The following PDZD8 variants were observed in gnomAD, a reference collection of about 807,000 sequenced individuals.
The protein encoded by PDZD8 is PDZ domain containing 8.
A neutral mutation model predicts 85.8 loss-of-function variants in PDZD8; 14 were observed. That is an observed-to-expected ratio of 0.16 (90% CI 0.11 to 0.26). The LOEUF is 0.26. Among genes scored for constraint, PDZD8 ranks in the 10% least tolerant of loss-of-function variants. The pLI, the probability that PDZD8 is intolerant of heterozygous loss-of-function variation, is 1.00. For missense variants in PDZD8, 1,197 were observed against 1,424.3 expected, an observed-to-expected ratio of 0.84 and a Z score of 2.57; for synonymous variants, 592 against 568.6, an observed-to-expected ratio of 1.04 and a Z score of -0.59.
chr10:117,329,800 G>A (rs1844384010), intron 2 of PDZD8, among the ~76,000 whole-genome samples: 1 of 151,366 alleles, frequency 6.6e-6, no homozygotes, highest in South Asian at 2.1e-4. Flanking sequence ...ACAAAAAGGA[G>A]TTGGGTATGG....
chr10:117,283,477 C>G lies in PDZD8; in HGVS notation c.3256G>C (p.Ala1086Pro). ...ALAKSGERLQALTLLMIHYRA... is the reference protein window; with the variant it reads ...ALAKSGERLQPLTLLMIHYRA... ...TAGTGAATCATAAGAAGTGTTAGAGCTTGTAGCCTTTCACCTGATTTAGCT... is the reference window on the plus strand; with the variant it reads ...TAGTGAATCATAAGAAGTGTTAGAGGTTGTAGCCTTTCACCTGATTTAGCT... Residue 1086 changes from alanine to proline, a missense_variant, in exon 5 of 5, where the codon GCT (alanine) becomes CCT (proline). Around this residue, in one of 4 missense-constraint regions of PDZD8, gnomAD observed 418 missense variants for 571.1 expected, o/e 0.73. Transcript: ENST00000334464. 6.2e-7 allele frequency: 1 copy of G among 1,614,116 alleles called. No homozygotes were observed. Among genetic ancestry groups the G allele is most frequent in the Non-Finnish European group, 8.5e-7 (1 of 1,179,974 alleles).
At chr10:117,354,281 A>G (rs1160401666) in intron 1 of PDZD8, among the ~76,000 whole-genome samples, 3 of 152,220 alleles carry the variant, frequency 2.0e-5, no homozygotes, top group African/African-American at 7.2e-5. Context: ...TGTAAATAAA[A>G]AGCTACCTCA....
chr10:117,317,193 A>G (rs1844144226), intron 3 of PDZD8, among the ~76,000 whole-genome samples: 1 of 152,242 alleles, frequency 6.6e-6, no homozygotes, highest in African/African-American at 2.4e-5. Flanking sequence ...AAATTTCAAC[A>G]TTAAATACTG....
chr10:117,350,730 C>T (rs1375770318), intron 1 of PDZD8, among the ~76,000 whole-genome samples: 2 of 151,292 alleles, frequency 1.3e-5, no homozygotes, highest in East Asian at 2.0e-4. Flanking sequence ...GGTGAAACCC[C>T]GTCTCTACTA....
intron 3 of PDZD8, among the ~76,000 whole-genome samples, chr10:117,313,505 G>C (rs1237267821): frequency 6.6e-6 from 1 of 151,804 alleles, no homozygotes; most frequent in Non-Finnish European, 1.5e-5. Flanking sequence ...TCAAAGTCTC[G>C]GGCTCAATCA....
chr10:117,292,063 A>G (rs1293455055), intron 3 of PDZD8, among the ~76,000 whole-genome samples: 13 of 152,204 alleles, frequency 8.5e-5, no homozygotes, highest in Admixed American at 8.5e-4. Flanking sequence ...TTTAATATAT[A>G]AATCCCACTT....
intron 1 of PDZD8, among the ~76,000 whole-genome samples, chr10:117,357,121 G>A (rs748806676): frequency 2.0e-5 from 3 of 152,146 alleles, no homozygotes; most frequent in Non-Finnish European, 4.4e-5. Flanking sequence ...GTCTGGGCAC[G>A]GTGGCTTACG....
intron 1 of PDZD8, among the ~76,000 whole-genome samples, chr10:117,358,112 TA>T (rs1040515802): frequency 6.6e-6 from 1 of 152,100 alleles, no homozygotes; most frequent in Non-Finnish European, 1.5e-5. Context: ...TTTTTCATAA[TA>T]AAAAGTCAAA....
intron 2 of PDZD8, among the ~76,000 whole-genome samples, chr10:117,321,840 CTTTA>C (rs1274756269): frequency 1.3e-5 from 2 of 152,060 alleles, no homozygotes; most frequent in Non-Finnish European, 2.9e-5. Flanking sequence ...TAAGACTGCT[CTTTA>C]TTTGATACAG....
chr10:117,279,178 A>G lies in PDZD8; in HGVS notation c.*4090T>C, dbSNP rs1319580975. On this transcript the variant is annotated 3_prime_UTR_variant, in exon 5 of 5. Coordinates refer to ENST00000334464, the MANE Select transcript of PDZD8 (RefSeq NM_173791.5). ...CTTGTACTTGGGGAAAAAAATTCTA[A>G]GTTCTTTTATATGACTAATATTCTT... 6.6e-6 allele frequency: 1 copy of G among 152,218 alleles called. No individual in the cohort carries two copies. Among genetic ancestry groups the G allele is most frequent in the Non-Finnish European group, 1.5e-5 (1 of 68,034 alleles). 9.4% of individuals were successfully genotyped at this position (152,218 alleles called of 1,614,324 possible).
chr10:117,290,060 T>C (rs1844729609), intron 4 of PDZD8, 126 bp downstream of exon 4: 1 of 776,880 alleles, frequency 1.3e-6, no homozygotes, highest in African/African-American at 1.8e-5. Flanking sequence ...TTTATTACTT[T>C]ATTTCCATTA....
At chr10:117,318,503 C>G (rs763579047) in intron 3 of PDZD8, among the ~76,000 whole-genome samples, 3 of 152,044 alleles carry the variant, frequency 2.0e-5, no homozygotes, top group Non-Finnish European at 1.5e-5. Flanking sequence ...AAAACAGTGC[C>G]CAGCACAAAG....
chr10:117,373,174 A>G (rs1845222911), intron 1 of PDZD8, among the ~76,000 whole-genome samples: 1 of 152,208 alleles, frequency 6.6e-6, no homozygotes, highest in African/African-American at 2.4e-5. Context: ...CCACTCCTAC[A>G]ATATTAAAAC....
At chr10:117,348,700 T>TA (rs1306305257) in intron 1 of PDZD8, among the ~76,000 whole-genome samples, 1 of 152,234 alleles carries the variant, frequency 6.6e-6, no homozygotes, top group Admixed American at 6.5e-5. Flanking sequence ...TGATCTCATT[T>TA]AATTAACCTG....
At chr10:117,361,776 G>C (rs1052907224) in intron 1 of PDZD8, among the ~76,000 whole-genome samples, 1 of 152,092 alleles carries the variant, frequency 6.6e-6, no homozygotes, top group Non-Finnish European at 1.5e-5. Flanking sequence ...AGACTGTTGC[G>C]ACTGTACAGA....
chr10:117,293,354 C>A (rs1199865082), intron 3 of PDZD8, among the ~76,000 whole-genome samples: 3 of 151,920 alleles, frequency 2.0e-5, no homozygotes, highest in Non-Finnish European at 4.4e-5. Context: ...TTTAAAATGA[C>A]AATGTAAAAA....
chr10:117,365,540 C>T (rs1845073276), intron 1 of PDZD8, among the ~76,000 whole-genome samples: 1 of 151,944 alleles, frequency 6.6e-6, no homozygotes, highest in Non-Finnish European at 1.5e-5. Flanking sequence ...GTTTGTCGCT[C>T]ATTTGAAAGG....
At chr10:117,361,268 C>T (rs1844994642) in intron 1 of PDZD8, among the ~76,000 whole-genome samples, 1 of 152,066 alleles carries the variant, frequency 6.6e-6, no homozygotes, top group Non-Finnish European at 1.5e-5. Flanking sequence ...AAATTCTAAG[C>T]TGTAACCCAT....
intron 2 of PDZD8, among the ~76,000 whole-genome samples, chr10:117,319,901 G>C (rs1040365201): frequency 2.0e-5 from 3 of 152,002 alleles, no homozygotes; most frequent in African/African-American, 7.2e-5. Context: ...TCTCTATGAA[G>C]ATCATGAGGT....
Sources: gnomAD v4.1 joint callset for allele counts (sites outside exome capture counted in the v4.1 genomes callset) on GRCh38, gnomAD v4.1.1 for gene constraint, gnomAD v4.1.1 regional missense constraint, MANE v1.5 for transcripts, NCBI Gene and HGNC (gene_info 2026-07-23, HGNC 2026-07-21) for gene names.